Variants in FAM13B observed in about 807,000 individuals in gnomAD.
FAM13B encodes the protein protein FAM13B.
In FAM13B, 60 loss-of-function variants were observed where a neutral mutation model predicts 117.3. That is an observed-to-expected ratio of 0.51 (90% CI 0.42 to 0.63). The LOEUF (loss-of-function observed/expected upper bound fraction) is 0.63. Among genes scored for constraint, FAM13B ranks in the 30% least tolerant of loss-of-function variants. The pLI is 0.00. For missense variants in FAM13B, 972 were observed against 1,091.9 expected (o/e 0.89, Z 1.55); for synonymous variants, 332 against 356.1 (o/e 0.93, Z 0.76).
rs536795215 is a variant in FAM13B, at chr5:137,962,854, T to C, written c.1180-385A>G. 1.4e-4 allele frequency among the ~76,000 whole-genome samples: 22 copies of C among 152,192 alleles called. No homozygotes were observed. In the South Asian group the frequency reaches 2.7e-3, roughly 19 times the overall value. ...CTTCTTGTAGGTAAGATAGGAGTCATAGAGGAGTTCACTAGATTCCTTTGT... is the reference window on the plus strand; with the variant it reads ...CTTCTTGTAGGTAAGATAGGAGTCACAGAGGAGTTCACTAGATTCCTTTGT... On this transcript the variant is annotated intron_variant, in intron 10 of 23. Coordinates refer to ENST00000689681, the MANE Select transcript of FAM13B (RefSeq NM_001385994.1).
At chr5:138,029,651 T>C (rs766705968) in intron 1 of FAM13B, among the ~76,000 whole-genome samples, 15 of 152,200 alleles carry the variant, frequency 9.9e-5, no homozygotes, top group African/African-American at 2.7e-4. Context: ...ATTAGGACCA[T>C]AGAGAACCTC....
At chr5:138,034,133 A>G (rs559979241), upstream of FAM13B, 25 of 152,354 alleles carry the variant, frequency 1.6e-4, no homozygotes, top group African/African-American at 5.5e-4. Flanking sequence ...TGGGGTCCAC[A>G]AAGAGTCTAA....
At chr5:137,942,299 A>G (rs1762092080) in intron 22 of FAM13B, 2 of 449,828 alleles carry the variant, frequency 4.4e-6, no homozygotes, top group South Asian at 4.3e-5. Context: ...AAGTGGATAT[A>G]GAACAAAAAG....
upstream of FAM13B, among the ~76,000 whole-genome samples, chr5:138,033,367 A>G (rs1790709339): frequency 6.6e-6 from 1 of 152,200 alleles, no homozygotes; most frequent in Non-Finnish European, 1.5e-5. Context: ...CGGAACACAG[A>G]GATCGCTTCT....
At chr5:138,010,957 TAAAAAA>T (rs35163730) in intron 6 of FAM13B, 45 bp downstream of exon 6, 67 of 1,079,166 alleles carry the variant, frequency 6.2e-5, no homozygotes, top group Non-Finnish European at 7.6e-5. Flanking sequence ...ATATTATTCT[TAAAAAA>T]AAAAAAAAAA....
intron 1 of FAM13B, among the ~76,000 whole-genome samples, chr5:138,050,728 T>C (rs1471368): frequency 0.99 from 150,630 of 152,202 alleles, 74,566 homozygotes; most frequent in Middle Eastern, 1. Context: ...GTCCAAAAAT[T>C]CAAGCCCCAG....
At chr5:137,942,570 C>T (rs752574061) in intron 22 of FAM13B, 5 of 313,968 alleles carry the variant, frequency 1.6e-5, no homozygotes, top group Non-Finnish European at 2.3e-5. Flanking sequence ...ACTATATTGC[C>T]CAGGCTGGTC....
intron 1 of FAM13B, chr5:138,039,657 A>G (rs1365698617): frequency 3.4e-5 from 5 of 145,568 alleles, no homozygotes; most frequent in Non-Finnish European, 7.5e-5. Context: ...GGTGGCCTCT[A>G]ACTCCTGGGC....
At chr5:137,981,501 G>A (rs1015225878) in intron 10 of FAM13B, among the ~76,000 whole-genome samples, 1 of 151,814 alleles carries the variant, frequency 6.6e-6, no homozygotes, top group Non-Finnish European at 1.5e-5. Flanking sequence ...AAAGTGGGGA[G>A]GGGGCCAGGT....
intron 9 of FAM13B, among the ~76,000 whole-genome samples, chr5:137,986,076 C>CTT (rs146328965): frequency 1.9e-4 from 28 of 148,592 alleles, no homozygotes; most frequent in African/African-American, 3.7e-4. Context: ...TGTATACATG[C>CTT]TTTTTTTTTT....
intron 1 of FAM13B, among the ~76,000 whole-genome samples, chr5:138,043,666 C>CT (rs1791563016): frequency 6.6e-6 from 1 of 151,886 alleles, no homozygotes; most frequent in Non-Finnish European, 1.5e-5. Context: ...TCTCGAACTC[C>CT]TGACCTCATG....
intron 20 of FAM13B, among the ~76,000 whole-genome samples, chr5:137,944,952 G>A (rs1763038758): frequency 6.6e-6 from 1 of 151,834 alleles, no homozygotes; most frequent in African/African-American, 2.4e-5. Context: ...GACTACTAGA[G>A]GGGGAAGGGA....
chr5:138,042,714 C>T (rs909174780), intron 1 of FAM13B, among the ~76,000 whole-genome samples: 1 of 150,738 alleles, frequency 6.6e-6, no homozygotes, highest in African/African-American at 2.4e-5. Flanking sequence ...GAACGAGGGG[C>T]AAGAGTTCGT....
Position 138,049,266 on chromosome 5 carries a change from G to T in FAM13B, c.-203+2612C>A, listed in dbSNP as rs552003497. Among the ~76,000 whole-genome samples, 306 of 149,164 alleles carry T rather than the reference G, an allele frequency of 2.1e-3. 3 individuals are homozygous for T. Among genetic ancestry groups the T allele is most frequent in the Non-Finnish European group, 3.4e-3 (230 of 67,220 alleles). On this transcript the variant is annotated intron_variant, in intron 1 of 3. Coordinates refer to the FAM13B transcript ENST00000502471. ...TTCAGAGTGATACATTTCTTGTTTT[G>T]TTTTTGTTTTTGTTTTTTCCTCAAG...
intron 17 of FAM13B, 84 bp downstream of exon 17, chr5:137,952,544 C>A: frequency 1.1e-6 from 1 of 902,630 alleles, no homozygotes; most frequent in Non-Finnish European, 1.7e-6. Context: ...TTAAAATTAT[C>A]AAAAGTTGTA....
intron 16 of FAM13B, 139 bp downstream of exon 16, chr5:137,953,197 G>A (rs767320301): frequency 4.4e-5 from 40 of 901,864 alleles, no homozygotes; most frequent in Non-Finnish European, 6.0e-5. Flanking sequence ...TATAATCTCA[G>A]ATCTACATGA....
intron 7 of FAM13B, among the ~76,000 whole-genome samples, chr5:137,998,660 A>G (rs1780434355): frequency 6.6e-6 from 1 of 152,230 alleles, no homozygotes; most frequent in Non-Finnish European, 1.5e-5. Flanking sequence ...ATCCTCCTCC[A>G]TAAGCTCAAA....
rs56880991 is a variant in FAM13B, at chr5:137,983,176, T to TAAAA, written c.1179+2077_1179+2080dup. On this transcript the variant is annotated intron_variant, in intron 10 of 23. Coordinates refer to ENST00000689681, the MANE Select transcript of FAM13B (RefSeq NM_001385994.1). Reference sequence around the variant, plus strand: ...AATGAGAAAGAACAGCCAGTGTAGGTAAAAAAAAAAAAAAAAAAAAAAAAA... The same window carrying TAAAA: ...AATGAGAAAGAACAGCCAGTGTAGGTAAAAAAAAAAAAAAAAAAAAAAAAAAAAA... Among the ~76,000 whole-genome samples, 27 of 75,096 alleles carry TAAAA rather than the reference T, an allele frequency of 3.6e-4. 3 individuals are homozygous for TAAAA. The highest frequency in any genetic ancestry group is 1.1e-3 in the African/African-American group (19 of 17,554). The allele number at this position is 75,096 out of a possible 152,430, so 49.3% of individuals were successfully genotyped here. A position where few individuals can be genotyped will look rare whatever the true frequency, so the allele number is the denominator to read the frequency against.
intron 17 of FAM13B, among the ~76,000 whole-genome samples, chr5:137,950,417 A>G (rs1764631308): frequency 1.3e-5 from 2 of 152,198 alleles, no homozygotes; most frequent in South Asian, 4.1e-4. Flanking sequence ...AAAAGAGATG[A>G]AAGTGATAAA....
Sources: allele counts gnomAD v4.1 joint callset (sites outside exome capture counted in the v4.1 genomes callset), GRCh38; gene constraint gnomAD v4.1.1; transcripts MANE v1.5; gene names NCBI Gene and HGNC (gene_info 2026-07-23, HGNC 2026-07-21).